P4HA1: variants seen among roughly 807,000 people sequenced by gnomAD.
The protein encoded by P4HA1 is prolyl 4-hydroxylase subunit alpha 1.
P4HA1 carries 24 observed loss-of-function variants against 72.8 expected under a neutral mutation model. That is an observed-to-expected ratio of 0.33 (90% confidence interval 0.24 to 0.46). The LOEUF is 0.46. P4HA1 is among the 20% of genes least tolerant of loss of function. P4HA1 has a pLI of 1.00. For missense variants in P4HA1, 446 were observed against 640.6 expected (o/e 0.70, Z 3.28); for synonymous variants, 201 against 218.8 (o/e 0.92, Z 0.72).
rs186649963 is a variant in P4HA1, at chr10:73,045,404, A to G, written c.1078-353T>C. On this transcript the variant is annotated intron_variant, in intron 8 of 14. Transcript: ENST00000394890. ...AATAGCCATCTGGGGGTGGGGAGAG[A>G]AGGGGAAAAAAAGAAGAATGCCTAT... Among the ~76,000 whole-genome samples the G allele has an allele frequency of 1.2e-3, 185 of 152,162 alleles. 3 individuals carry two copies. In the East Asian group the frequency reaches 0.022, roughly 18 times the overall value.
intron 9 of P4HA1, among the ~76,000 whole-genome samples, chr10:73,038,611 G>T (rs1442712913): frequency 7.3e-6 from 1 of 137,624 alleles, no homozygotes; most frequent in Non-Finnish European, 1.5e-5. Context: ...AATTCTTAGG[G>T]TTTTTATTTG....
intron 1 of P4HA1, among the ~76,000 whole-genome samples, chr10:73,095,227 TAAA>T (rs35159575): frequency 0.027 from 1,800 of 67,270 alleles, 36 homozygotes; most frequent in African/African-American, 0.069. Flanking sequence ...GCTCACAAGC[TAAA>T]AAAAAAAAAA....
At chr10:73,063,999 G>T (rs1283075144) in intron 5 of P4HA1, among the ~76,000 whole-genome samples, 1 of 152,074 alleles carries the variant, frequency 6.6e-6, no homozygotes. Context: ...ACTGTAAAAA[G>T]CTTCATATAA....
chr10:73,036,630 T>G (rs1840583004), intron 9 of P4HA1, among the ~76,000 whole-genome samples: 1 of 152,104 alleles, frequency 6.6e-6, no homozygotes, highest in South Asian at 2.1e-4. Flanking sequence ...ACTCCTGAGC[T>G]CAAGCAATCT....
chr10:73,042,592 T>C (rs1840763083), intron 9 of P4HA1, among the ~76,000 whole-genome samples: 2 of 152,162 alleles, frequency 1.3e-5, no homozygotes, highest in Admixed American at 1.3e-4. Context: ...ATATCCACCA[T>C]CATCCACTTA....
intron 9 of P4HA1, among the ~76,000 whole-genome samples, chr10:73,043,316 C>T (rs1057460730): frequency 2.6e-5 from 4 of 152,044 alleles, no homozygotes; most frequent in Admixed American, 6.6e-5. Flanking sequence ...TCATGAGAGC[C>T]GAGAAACCTT....
chr10:73,084,621 G>T (rs1841889621), intron 1 of P4HA1, among the ~76,000 whole-genome samples: 1 of 151,982 alleles, frequency 6.6e-6, no homozygotes, highest in Non-Finnish European at 1.5e-5. Flanking sequence ...GACCAAGATT[G>T]AATTTTATAT....
chr10:73,063,800 T>G (rs964167169), intron 5 of P4HA1, among the ~76,000 whole-genome samples: 1 of 152,248 alleles, frequency 6.6e-6, no homozygotes, highest in African/African-American at 2.4e-5. Context: ...GTATTTCTGC[T>G]TGTCTTACTT....
intron 3 of P4HA1, among the ~76,000 whole-genome samples, chr10:73,073,169 CA>C (rs753465901): frequency 9.4e-3 from 582 of 61,806 alleles, no homozygotes; most frequent in African/African-American, 0.017. Flanking sequence ...GACTCTGTCA[CA>C]AAAAAAAAAA....
chr10:73,044,027 T>G (rs930003069), intron 9 of P4HA1: 101 of 1,173,360 alleles, frequency 8.6e-5, no homozygotes, highest in Non-Finnish European at 1.0e-4. Flanking sequence ...GTTTGTTTTG[T>G]TTTGCCAAGC....
At chr10:73,026,092 T>C (rs1452291509) in intron 10 of P4HA1, among the ~76,000 whole-genome samples, 7 of 152,164 alleles carry the variant, frequency 4.6e-5, no homozygotes, top group Admixed American at 2.6e-4. Flanking sequence ...CTTCACAGAA[T>C]TGGAAAAATC....
At chr10:73,056,291 C>T (rs1401217674) in intron 5 of P4HA1, among the ~76,000 whole-genome samples, 1 of 151,960 alleles carries the variant, frequency 6.6e-6, no homozygotes, top group Non-Finnish European at 1.5e-5. Flanking sequence ...AATTTCAATG[C>T]TATAGAGAAA....
At chr10:73,040,428 T>TA (rs1331371831) in intron 9 of P4HA1, among the ~76,000 whole-genome samples, 1 of 151,728 alleles carries the variant, frequency 6.6e-6, no homozygotes, top group Non-Finnish European at 1.5e-5. Flanking sequence ...ATTGCATACA[T>TA]AGAAAATTTC....
At chr10:73,032,719 C>T (rs1840459701) in intron 9 of P4HA1, among the ~76,000 whole-genome samples, 1 of 152,164 alleles carries the variant, frequency 6.6e-6, no homozygotes, top group Admixed American at 6.5e-5. Context: ...TTTCCTTTAC[C>T]TCTCCCGCTG....
chr10:73,075,696 TC>T (rs1841680991), intron 1 of P4HA1, among the ~76,000 whole-genome samples: 1 of 151,672 alleles, frequency 6.6e-6, no homozygotes, highest in South Asian at 2.1e-4. Flanking sequence ...TCCTTAAAAT[TC>T]CTAATTTGTT....
At chr10:73,089,625 A>G (rs1182907556) in intron 1 of P4HA1, among the ~76,000 whole-genome samples, 4 of 152,108 alleles carry the variant, frequency 2.6e-5, no homozygotes, top group Non-Finnish European at 4.4e-5. Flanking sequence ...ATAAAATAAA[A>G]TACTATTCAA....
chr10:73,064,522 G>T (rs1479155527), intron 5 of P4HA1, among the ~76,000 whole-genome samples: 4 of 144,996 alleles, frequency 2.8e-5, no homozygotes, highest in Non-Finnish European at 6.0e-5. Flanking sequence ...AATATCATAG[G>T]CACTATAGGA....
chr10:73,040,078 C>G (rs1214961872), intron 9 of P4HA1, among the ~76,000 whole-genome samples: 1 of 151,766 alleles, frequency 6.6e-6, no homozygotes, highest in East Asian at 1.9e-4. Flanking sequence ...CTATACTATC[C>G]AGGCTGGTCT....
intron 2 of P4HA1, 101 bp downstream of exon 2, chr10:73,074,707 T>G: frequency 1.4e-6 from 1 of 693,314 alleles, no homozygotes; most frequent in East Asian, 2.7e-5. Flanking sequence ...AAACCTATAC[T>G]CTAGGAATAC....
Sources: gnomAD v4.1 joint callset for allele counts (sites outside exome capture counted in the v4.1 genomes callset) on GRCh38, gnomAD v4.1.1 for gene constraint, MANE v1.5 for transcripts, NCBI Gene and HGNC (gene_info 2026-07-23, HGNC 2026-07-21) for gene names.